Variants in SETD1B observed in about 807,000 individuals in gnomAD.
The protein encoded by SETD1B is histone-lysine N-methyltransferase SETD1B.
Under a neutral mutation model 148.0 loss-of-function variants are expected in SETD1B, and 7 were observed. The ratio of observed to expected loss-of-function variants is 0.05; its 90% CI spans 0.03 to 0.09. The LOEUF (loss-of-function observed/expected upper bound fraction) is 0.09. Ranked by LOEUF, SETD1B falls within the 10% of genes least tolerant of loss-of-function variation. The pLI is 1.00. For synonymous variants in SETD1B, 1,361 were observed against 1,186.5 expected (o/e 1.15, Z -3.02); for missense variants, 2,155 against 2,729.9 (o/e 0.79, Z 4.69).
At position 121,810,975 on chromosome 12, in the gene SETD1B, C is replaced by G. The variant is rs1315238147; in HGVS notation, c.1890+140C>G. 1 of 1,157,120 alleles carries G rather than the reference C, an allele frequency of 8.6e-7. No homozygotes were observed. The highest frequency in any genetic ancestry group is 3.2e-5 in the Admixed American group (1 of 31,008). 71.7% of individuals were successfully genotyped at this position (1,157,120 alleles called of 1,614,324 possible). A position where few individuals can be genotyped will look rare whatever the true frequency, so the allele number is the denominator to read the frequency against. ...AAGCCAATATAACAGGTGGAACTTA[C>G]AGAATAAAAAGGGGATGCAGAAAAC... On this transcript the variant is annotated intron_variant, in intron 6 of 16. Coordinates refer to ENST00000604567, the MANE Select transcript of SETD1B (RefSeq NM_001353345.2). This position sits in a 1 kb window ranked among gnomAD's most constrained non-coding sequence, Gnocchi z 7.6.
rs1876625544 is a variant in SETD1B at position 121,822,733 on chromosome 12, G to A, written c.4154G>A (p.Gly1385Glu). 2 of 1,518,506 alleles carry A rather than the reference G, an allele frequency of 1.3e-6. No individual in the cohort carries two copies. The highest frequency in any genetic ancestry group is 1.8e-6 in the Non-Finnish European group (2 of 1,125,556). The allele number at this position is 1,518,506 out of a possible 1,614,324, so 94.1% of individuals were successfully genotyped here. ...GAGACGGTGCCAGCCACACCAGGCG[G>A]GGAGCCCCCGCTATCAGGGGGCAGC... ...STETVPATPGGEPPLSGGSSG... is the reference protein window; with the variant it reads ...STETVPATPGEEPPLSGGSSG... Residue 1385 changes from glycine (G) to glutamate (E), a missense_variant, in exon 12 of 17, where the codon GGG (glycine) becomes GAG (glutamate). Physicochemically the swap from Gly to Glu is moderately conservative, Grantham distance 98 (BLOSUM62 -2). Around this residue, in one of 11 missense-constraint regions of SETD1B, gnomAD observed 862 missense variants for 873.8 expected, o/e 0.99. Transcript: ENST00000604567.
In SETD1B at chr12:121,819,739, G is replaced by A. The variant is rs2137571849; in HGVS notation, c.3754G>A (p.Glu1252Lys). 1 of 1,551,306 alleles carries A rather than the reference G, an allele frequency of 6.4e-7. No individual in the cohort carries two copies. Among genetic ancestry groups the A allele is most frequent in the African/African-American group, 1.4e-5 (1 of 73,160 alleles). Residue 1252 changes from glutamate (E) to lysine (K), a missense_variant, in exon 11 of 17, where the codon GAG (glutamate) becomes AAG (lysine). Transcript: ENST00000604567. ...APEERPSMLD[E>K]PPLPVGVEEP... is the part of the protein sequence containing the mutation. ...TGAGGAGCGGCCCTCCATGCTGGAC[G>A]AGCCCCCCTTGCCTGTGGGTGTTGA...
Position 121,814,465 on chromosome 12 carries a change from G to T in SETD1B, c.2250G>T (p.Pro750=). The T allele has an allele frequency of 7.2e-7, 1 of 1,398,438 alleles. No homozygotes were observed. Among genetic ancestry groups the T allele is most frequent in the South Asian group, 1.5e-5 (1 of 66,714 alleles). 86.6% of individuals were successfully genotyped at this position (1,398,438 alleles called of 1,614,324 possible). The change falls in exon 7 of 17, where the codon CCG becomes CCT. Residue 750 remains proline, a synonymous_variant. Transcript: ENST00000604567. ...PILPPLPPFP[P]GLFPVMQVDM... is the part of the protein sequence containing the mutation. Reference sequence around the variant, plus strand: ...TGCCACCACTGCCCCCCTTTCCGCCGGGCCTGTTCCCTGTGATGCAGGTGG... The same window carrying T: ...TGCCACCACTGCCCCCCTTTCCGCCTGGCCTGTTCCCTGTGATGCAGGTGG...
chr12:121,809,863 G>T lies in SETD1B; in HGVS notation c.918G>T (p.Val306=). 1.3e-6 allele frequency: 2 copies of T among 1,551,316 alleles called. No individual in the cohort carries two copies. Among genetic ancestry groups the T allele is most frequent in the South Asian group, 2.4e-5 (2 of 84,056 alleles). ...PSYLFSQDPA[V]TFKARRHESK... ...ACCTCTTCAGCCAGGACCCTGCAGT[G>T]ACCTTCAAGGCCCGGCGCCACGAGA... is the stretch of plus-strand genomic sequence containing the variant. Residue 306 remains valine, a synonymous_variant, in exon 6 of 17, where the codon GTG becomes GTT. Coordinates refer to ENST00000604567, the MANE Select transcript of SETD1B (RefSeq NM_001353345.2).
intron 11 of SETD1B, among the ~76,000 whole-genome samples, chr12:121,821,893 C>T (rs539995989): frequency 6.6e-6 from 1 of 152,178 alleles, no homozygotes; most frequent in South Asian, 2.1e-4. Flanking sequence ...CAAGACCAGC[C>T]TAGGCAACAT....
chr12:121,816,463 C>A (rs1371365653), intron 7 of SETD1B, among the ~76,000 whole-genome samples: 1 of 152,240 alleles, frequency 6.6e-6, no homozygotes, highest in Non-Finnish European at 1.5e-5. Flanking sequence ...CCAAATTATA[C>A]TGACCCTACA....
chr12:121,806,026 G>T lies in SETD1B; in HGVS notation c.465G>T (p.Arg155=). 6.4e-7 allele frequency: 1 copy of T among 1,551,674 alleles called. No individual in the cohort carries two copies. Among genetic ancestry groups the T allele is most frequent in the Non-Finnish European group, 8.7e-7 (1 of 1,146,990 alleles). Residue 155 remains arginine, a synonymous_variant, in exon 4 of 17, where the codon CGG becomes CGT. Transcript: ENST00000604567. Reference sequence around the variant, plus strand: ...CCAAGGTGGTCTTTGCCACGGTCCGGGGAGCCAAGGATGCCGTTCAGCACT... The same window carrying T: ...CCAAGGTGGTCTTTGCCACGGTCCGTGGAGCCAAGGATGCCGTTCAGCACT... ...GIAKVVFATV[R]GAKDAVQHLH... is the part of the protein sequence containing the mutation.
At chr12:121,798,881 G>C in the SETD1B span, among the ~76,000 whole-genome samples, 1 of 152,236 alleles carries the variant, frequency 6.6e-6, no homozygotes, top group Non-Finnish European at 1.5e-5. Flanking sequence ...TTCAATACAT[G>C]AAGTCGGCTA....
chr12:121,825,500 G>A (rs899091648), intron 13 of SETD1B, 134 bp downstream of exon 13: 2 of 380,898 alleles, frequency 5.3e-6, no homozygotes, highest in East Asian at 1.4e-4. Context: ...GGTGCAAGTG[G>A]AAGGGGAGAG....
chr12:121,810,355 C>G lies in SETD1B; in HGVS notation c.1410C>G (p.Phe470Leu). 1.3e-6 allele frequency: 2 copies of G among 1,547,038 alleles called. No homozygotes were observed. The highest frequency in any genetic ancestry group is 1.7e-6 in the Non-Finnish European group (2 of 1,146,766). Reference sequence around the variant, plus strand: ...TGGAGCTGGGCGGCCGGCCCACCTTCGGCTGGAGTCCTGAGCCCTGTGACA... The same window carrying G: ...TGGAGCTGGGCGGCCGGCCCACCTTGGGCTGGAGTCCTGAGCCCTGTGACA... Reference protein sequence around the residue: ...NSMELGGRPTFGWSPEPCDSP... With the variant: ...NSMELGGRPTLGWSPEPCDSP... The change falls in exon 6 of 17, where the codon TTC becomes TTG. Residue 470 changes from phenylalanine to leucine, a missense_variant. By Grantham distance (22) the Phe-to-Leu change is conservative (BLOSUM62 0). Coordinates refer to ENST00000604567, the MANE Select transcript of SETD1B (RefSeq NM_001353345.2). The surrounding 1 kb of genome is among the most constrained non-coding windows in gnomAD (Gnocchi z 7.6).
At chr12:121,799,731 T>TGGGGGGGG (rs1308261766), upstream of SETD1B, 18 of 31,716 alleles carry the variant, frequency 5.7e-4, 1 homozygote, top group Admixed American at 9.0e-4. Context: ...GGGGGGGGGG[T>TGGGGGGGG]GGGGTGGGGC....
rs1876353239 is a variant in SETD1B, at chr12:121,817,547, C to T, written c.3155C>T (p.Ser1052Phe). ...SASSSSSASSSSGSSTTSPSS... is the reference protein window; with the variant it reads ...SASSSSSASSFSGSSTTSPSS... Reference sequence around the variant, plus strand: ...TCCTCGTCCTCATCCGCGTCATCATCCTCGGGGTCCTCAACCACCTCACCC... The same window carrying T: ...TCCTCGTCCTCATCCGCGTCATCATTCTCGGGGTCCTCAACCACCTCACCC... Residue 1052 changes from serine to phenylalanine, a missense_variant, in exon 9 of 17, where the codon TCC (serine) becomes TTC (phenylalanine). Transcript: ENST00000604567. This position sits in a 1 kb window ranked among gnomAD's most constrained non-coding sequence, Gnocchi z 8.1. 1.3e-6 allele frequency: 2 copies of T among 1,551,384 alleles called. No homozygotes were observed. The highest frequency in any genetic ancestry group is 2.4e-5 in the South Asian group (2 of 84,062).
the SETD1B span, among the ~76,000 whole-genome samples, chr12:121,796,812 T>C: frequency 6.6e-6 from 1 of 151,994 alleles, no homozygotes; most frequent in African/African-American, 2.4e-5. Context: ...GAGGCCGAGG[T>C]GGGCGGATCA....
intron 6 of SETD1B, among the ~76,000 whole-genome samples, chr12:121,813,792 G>A (rs1360935846): frequency 6.6e-6 from 1 of 152,026 alleles, no homozygotes; most frequent in Non-Finnish European, 1.5e-5. Flanking sequence ...TGCTGGCTCC[G>A]CTCCACAAGA....
intron 7 of SETD1B, among the ~76,000 whole-genome samples, chr12:121,816,333 T>G (rs1277870618): frequency 6.7e-6 from 1 of 149,364 alleles, no homozygotes; most frequent in Non-Finnish European, 1.5e-5. Flanking sequence ...TGGGAAATGC[T>G]TGCTTTCTGC....
Position 121,805,017 on chromosome 12 carries a change from G to A in SETD1B, c.175-101G>A. The A allele has an allele frequency of 6.8e-7, 1 of 1,469,138 alleles. No homozygotes were observed. Among genetic ancestry groups the A allele is most frequent in the African/African-American group, 1.4e-5 (1 of 71,064 alleles). The allele number at this position is 1,469,138 out of a possible 1,614,324, so 91.0% of individuals were successfully genotyped here. A position where few individuals can be genotyped will look rare whatever the true frequency, so the allele number is the denominator to read the frequency against. On this transcript the variant is annotated intron_variant, in intron 2 of 16. Transcript: ENST00000604567. The surrounding 1 kb of genome is among the most constrained non-coding windows in gnomAD (Gnocchi z 4.2). ...CGATCCCCCGGCCAACTGTCAGACG[G>A]GGCCCCAGCCCTGGAGTTTGACAAG...
rs1876173441 is a variant in SETD1B at position 121,814,260 on chromosome 12, C to T, written c.2045C>T (p.Pro682Leu). Residue 682 changes from proline to leucine, a missense_variant, in exon 7 of 17, where the codon CCC (proline) becomes CTC (leucine). Physicochemically the swap from Pro to Leu is moderately conservative, Grantham distance 98 (BLOSUM62 -3). This residue lies in a region of SETD1B where 295 missense variants were observed against 303.8 expected (regional missense o/e 0.97). Coordinates refer to ENST00000604567, the MANE Select transcript of SETD1B (RefSeq NM_001353345.2). ...GTGCTAGCCCCAACCCTGCCGCTGC[C>T]CCCGCCACCTGGCTTCCCCCCGCTG... is the stretch of plus-strand genomic sequence containing the variant. ...PSVLAPTLPLPPPPGFPPLPP... is the reference protein window; with the variant it reads ...PSVLAPTLPLLPPPGFPPLPP... 2 of 1,480,220 alleles carry T rather than the reference C, an allele frequency of 1.4e-6. 1 individual carries two copies. Among genetic ancestry groups the T allele is most frequent in the East Asian group, 5.2e-5 (2 of 38,400 alleles). The allele number at this position is 1,480,220 out of a possible 1,614,324, so 91.7% of individuals were successfully genotyped here.
chr12:121,803,953 G>GGAGGAGGAGGAGGAA (rs1420928338), upstream of SETD1B: 1 of 156,910 alleles, frequency 6.4e-6, no homozygotes, highest in African/African-American at 2.4e-5. This position sits in a 1 kb window ranked among gnomAD's most constrained non-coding sequence, Gnocchi z 4.7. Flanking sequence ...AGGAGGAAGA[G>GGAGGAGGAGGAGGAA]GAGGAGGAGG....
chr12:121,805,192 G>A lies in SETD1B; in HGVS notation c.249G>A (p.Leu83=). The A allele has an allele frequency of 6.4e-7, 1 of 1,551,136 alleles. No individual in the cohort carries two copies. Among genetic ancestry groups the A allele is most frequent in the Non-Finnish European group, 8.7e-7 (1 of 1,146,966 alleles). ...GGATCTGGACCAAAAACAAGGAGCT[G>A]GAGCTGTCGGTGCCCAAATTCAAGG... ...VVGIWTKNKE[L]ELSVPKFKID... Residue 83 remains leucine (L), a synonymous_variant, in exon 3 of 17, where the codon CTG becomes CTA. Coordinates refer to ENST00000604567, the MANE Select transcript of SETD1B (RefSeq NM_001353345.2). The surrounding 1 kb of genome is among the most constrained non-coding windows in gnomAD (Gnocchi z 4.2).
Sources: allele counts gnomAD v4.1 joint callset (sites outside exome capture counted in the v4.1 genomes callset), GRCh38; gene constraint gnomAD v4.1.1; regional missense constraint gnomAD v4.1.1; non-coding constraint Gnocchi (gnomAD v3.1); transcripts MANE v1.5; gene names NCBI Gene and HGNC (gene_info 2026-07-23, HGNC 2026-07-21).